The following NFIA variants were observed in gnomAD, a reference collection of about 807,000 sequenced individuals.
NFIA encodes the protein nuclear factor 1 A-type.
NFIA carries 8 observed loss-of-function variants against 62.8 expected under a neutral mutation model. The observed-to-expected ratio is 0.13, with a 90% CI of 0.07 to 0.23. The LOEUF (loss-of-function observed/expected upper bound fraction) is 0.23, where lower values mean the gene tolerates loss of function less well. NFIA is among the 10% of genes least tolerant of loss of function. The probability of loss-of-function intolerance (pLI) is 1.00; values close to 1 mark genes in which losing one functional copy is unlikely to be tolerated. For missense variants in NFIA, 410 were observed against 642.1 expected, an observed-to-expected ratio of 0.64 and a Z score of 3.91; for synonymous variants, 235 against 238.1, an observed-to-expected ratio of 0.99 and a Z score of 0.12.
intron 2 of NFIA, among the ~76,000 whole-genome samples, chr1:61,188,141 G>A (rs1027057923): frequency 9.9e-5 from 15 of 151,960 alleles, no homozygotes; most frequent in African/African-American, 3.1e-4. Context: ...TCCGCCTCCC[G>A]GGTTCAAGTG....
intron 6 of NFIA, among the ~76,000 whole-genome samples, chr1:61,378,102 G>A (rs570962469): frequency 2.0e-5 from 3 of 152,282 alleles, no homozygotes; most frequent in Admixed American, 2.0e-4. Flanking sequence ...TGGTCAAAGT[G>A]TCTGAAAAAT....
chr1:61,266,168 A>G (rs1391253834), intron 2 of NFIA, among the ~76,000 whole-genome samples: 2 of 152,076 alleles, frequency 1.3e-5, no homozygotes, highest in Non-Finnish European at 2.9e-5. Flanking sequence ...TATCCAAGGG[A>G]AAATGGGTGA....
At chr1:61,292,286 A>G (rs989126964) in intron 3 of NFIA, among the ~76,000 whole-genome samples, 24 of 152,244 alleles carry the variant, frequency 1.6e-4, no homozygotes, top group South Asian at 6.2e-4. Flanking sequence ...GTAGTGTATT[A>G]TATTCCAAAC....
At chr1:61,354,092 T>G (rs77213993) in intron 5 of NFIA, among the ~76,000 whole-genome samples, 4,561 of 152,292 alleles carry the variant, frequency 0.03, 243 homozygotes, top group African/African-American at 0.1. Flanking sequence ...CTTTTTATGT[T>G]TTCACACAAT....
chr1:61,154,558 C>T (rs1456045510), intron 2 of NFIA, among the ~76,000 whole-genome samples: 4 of 152,206 alleles, frequency 2.6e-5, no homozygotes, highest in Admixed American at 2.6e-4. Context: ...TCAAGTGATC[C>T]TCCCACCTCA....
chr1:61,404,185 C>G lies in NFIA; in HGVS notation c.1157C>G (p.Pro386Arg). Residue 386 changes from proline to arginine, a missense_variant, in exon 8 of 11, where the codon CCA (proline) becomes CGA (arginine). Coordinates refer to ENST00000403491, the MANE Select transcript of NFIA (RefSeq NM_001134673.4). ...CAGCCTGGGCCTTACTTCTCACACC[C>G]AGCCATCCGCTATCACCCTCAGGAG... is the stretch of plus-strand genomic sequence containing the variant. The part of the protein sequence containing the change: ...IQQPGPYFSH[P>R]AIRYHPQETL... 6.2e-7 allele frequency: 1 copy of G among 1,614,236 alleles called. No individual in the cohort carries two copies. The highest frequency in any genetic ancestry group is 8.5e-7 in the Non-Finnish European group (1 of 1,180,052).
At chr1:61,155,948 C>T (rs1570278978) in intron 2 of NFIA, among the ~76,000 whole-genome samples, 1 of 152,160 alleles carries the variant, frequency 6.6e-6, no homozygotes, top group East Asian at 1.9e-4. Context: ...ACCAGCCTGA[C>T]CAAACATGGT....
intron 2 of NFIA, among the ~76,000 whole-genome samples, chr1:61,164,448 T>C (rs1318305868): frequency 6.6e-6 from 1 of 151,842 alleles, no homozygotes; most frequent in East Asian, 1.9e-4. Flanking sequence ...TGTTGTTATG[T>C]GTTTTTTTTG....
At chr1:61,263,070 G>A (rs1478683632) in intron 2 of NFIA, among the ~76,000 whole-genome samples, 3 of 152,130 alleles carry the variant, frequency 2.0e-5, no homozygotes, top group East Asian at 1.9e-4. Flanking sequence ...CCTGTTCAAA[G>A]GATAGCACTT....
intron 3 of NFIA, among the ~76,000 whole-genome samples, chr1:61,280,583 C>T (rs1456192256): frequency 6.6e-6 from 1 of 152,162 alleles, no homozygotes; most frequent in Non-Finnish European, 1.5e-5. Flanking sequence ...AATGGTAACA[C>T]GCTGTTTCAT....
intron 2 of NFIA, among the ~76,000 whole-genome samples, chr1:61,222,070 G>A (rs1337868713): frequency 6.6e-6 from 1 of 152,106 alleles, no homozygotes; most frequent in East Asian, 1.9e-4. Flanking sequence ...TTTAAAATAA[G>A]TTATGTTAAA....
chr1:61,415,509 A>G (rs1038333127), intron 9 of NFIA, among the ~76,000 whole-genome samples: 1 of 152,056 alleles, frequency 6.6e-6, no homozygotes, highest in Non-Finnish European at 1.5e-5. Flanking sequence ...TCCAATAGAA[A>G]GACAAGAAAG....
intron 4 of NFIA, among the ~76,000 whole-genome samples, chr1:61,339,901 G>T (rs1661808868): frequency 6.6e-6 from 1 of 152,178 alleles, no homozygotes; most frequent in Admixed American, 6.5e-5. Context: ...ATTAAAAGGT[G>T]CATATACCTT....
At chr1:61,089,409 C>G (rs1646277337) in intron 2 of NFIA, among the ~76,000 whole-genome samples, 1 of 152,044 alleles carries the variant, frequency 6.6e-6, no homozygotes. Flanking sequence ...CAAGGCATGT[C>G]TTACCTGTGC....
chr1:61,117,409 AT>A lies in NFIA; in HGVS notation c.559+28738del, dbSNP rs79940058. Among the ~76,000 whole-genome samples, 370 of 150,354 alleles carry A rather than the reference AT, an allele frequency of 2.5e-3. 11 individuals carry two copies. The East Asian group carries it at 0.061, about 25-fold the overall frequency. ...GGATTAACTTGGTGTCCCTAATACCATTTTTTTTTCCTCCTGAAAGTTTAAG... is the reference window on the plus strand; with the variant it reads ...GGATTAACTTGGTGTCCCTAATACCATTTTTTTTCCTCCTGAAAGTTTAAG... On this transcript the variant is annotated intron_variant, in intron 2 of 10. Coordinates refer to ENST00000403491, the MANE Select transcript of NFIA (RefSeq NM_001134673.4).
intron 2 of NFIA, among the ~76,000 whole-genome samples, chr1:61,090,876 A>C (rs889270606): frequency 6.6e-6 from 1 of 152,198 alleles, no homozygotes; most frequent in Non-Finnish European, 1.5e-5. Flanking sequence ...AAAATATTTC[A>C]AATTTGATTT....
chr1:61,281,458 C>T (rs762789810), intron 3 of NFIA, among the ~76,000 whole-genome samples: 5 of 152,252 alleles, frequency 3.3e-5, no homozygotes, highest in African/African-American at 1.2e-4. Flanking sequence ...AAGGGGATGG[C>T]GTCAGAAATA....
At chr1:61,350,115 G>T (rs538988157) in intron 4 of NFIA, among the ~76,000 whole-genome samples, 3 of 152,248 alleles carry the variant, frequency 2.0e-5, no homozygotes, top group African/African-American at 4.8e-5. Context: ...CAAATTTGAT[G>T]ATAGCATTCC....
At chr1:61,329,087 G>T (rs552300315) in intron 3 of NFIA, among the ~76,000 whole-genome samples, 4 of 126,038 alleles carry the variant, frequency 3.2e-5, no homozygotes, top group Non-Finnish European at 6.6e-5. Context: ...TCACTCGGTC[G>T]CCCAGGCTGG....
Sources: allele counts gnomAD v4.1 joint callset (sites outside exome capture counted in the v4.1 genomes callset), GRCh38; gene constraint gnomAD v4.1.1; transcripts MANE v1.5; gene names NCBI Gene and HGNC (gene_info 2026-07-23, HGNC 2026-07-21).